ATOSB: variants seen among roughly 807,000 people sequenced by gnomAD.
ATOSB encodes the protein atos homolog B.
chr9:35,104,577 G>T, the ATOSB span: 1 of 375,248 alleles, frequency 2.7e-6, no homozygotes, highest in East Asian at 1.1e-4. Flanking sequence ...ACAAAGACAA[G>T]CTTGTGCACA....
the ATOSB span, chr9:35,104,597 G>A: frequency 1.2e-5 from 5 of 416,174 alleles, no homozygotes; most frequent in African/African-American, 4.2e-5. Flanking sequence ...ACACACATAC[G>A]CATAACTTGG....
the ATOSB span, chr9:35,106,187 CT>C: frequency 1.9e-6 from 3 of 1,603,664 alleles, no homozygotes; most frequent in African/African-American, 1.3e-5. The surrounding 1 kb of genome is among the most constrained non-coding windows in gnomAD (Gnocchi z 4.6). Flanking sequence ...CTCTTGCCCC[CT>C]GGCCCCGCCC....
chr9:35,113,988 A>C, the ATOSB span, among the ~76,000 whole-genome samples: 1 of 152,212 alleles, frequency 6.6e-6, no homozygotes, highest in Non-Finnish European at 1.5e-5. Flanking sequence ...CTCTTTAGCC[A>C]TAAATTTCCA....
At chr9:35,106,036 A>T in the ATOSB span, 23 of 1,605,932 alleles carry the variant, frequency 1.4e-5, no homozygotes, top group Non-Finnish European at 1.9e-5. This position sits in a 1 kb window ranked among gnomAD's most constrained non-coding sequence, Gnocchi z 4.6. Flanking sequence ...CCATCAGTCA[A>T]GGTGGGGACT....
the ATOSB span, chr9:35,111,590 G>C: frequency 1.4e-4 from 21 of 151,780 alleles, no homozygotes; most frequent in African/African-American, 4.8e-4. Context: ...CCAGCTGATG[G>C]GGCCGCCCGC....
chr9:35,106,703 G>A, the ATOSB span: 2 of 1,461,208 alleles, frequency 1.4e-6, no homozygotes, highest in African/African-American at 1.4e-5. The surrounding 1 kb of genome is among the most constrained non-coding windows in gnomAD (Gnocchi z 4.6). Flanking sequence ...TCCTGCTTAT[G>A]CCCTTGGACT....
the ATOSB span, among the ~76,000 whole-genome samples, chr9:35,115,463 T>C: frequency 0.032 from 4,935 of 151,956 alleles, 148 homozygotes; most frequent in Non-Finnish European, 0.047. Flanking sequence ...TTCCCCTAGA[T>C]AGTGCCCGCA....
At chr9:35,107,946 C>A in the ATOSB span, 1 of 1,605,350 alleles carries the variant, frequency 6.2e-7, no homozygotes, top group Non-Finnish European at 8.5e-7. Flanking sequence ...CACACCTAGT[C>A]CCAGCCCCGG....
the ATOSB span, chr9:35,109,405 T>C: frequency 4.6e-5 from 7 of 152,190 alleles, no homozygotes; most frequent in African/African-American, 1.7e-4. Context: ...AAACTAGAGA[T>C]AAGGCCGCAG....
chr9:35,108,301 C>G, the ATOSB span: 20 of 1,517,688 alleles, frequency 1.3e-5, no homozygotes, highest in African/African-American at 2.8e-4. Context: ...CAGGGGGGCC[C>G]CCCAACACGG....
chr9:35,106,760 C>T, the ATOSB span: 9 of 1,525,146 alleles, frequency 5.9e-6, no homozygotes, highest in Middle Eastern at 1.7e-4. This position sits in a 1 kb window ranked among gnomAD's most constrained non-coding sequence, Gnocchi z 4.6. Flanking sequence ...GTCCCCTACT[C>T]GGATGCTGGA....
the ATOSB span, chr9:35,105,910 C>T: frequency 1.9e-6 from 3 of 1,613,944 alleles, no homozygotes; most frequent in East Asian, 2.2e-5. The surrounding 1 kb of genome is among the most constrained non-coding windows in gnomAD (Gnocchi z 5.5). Flanking sequence ...TTTCCTCTCT[C>T]CCCACTCCCA....
At chr9:35,107,026 A>G in the ATOSB span, 5 of 799,970 alleles carry the variant, frequency 6.3e-6, no homozygotes, top group Non-Finnish European at 1.0e-5. Flanking sequence ...TATCCACTTA[A>G]GAGTACATGA....
chr9:35,107,688 A>G, the ATOSB span: 1 of 1,609,036 alleles, frequency 6.2e-7, no homozygotes, highest in African/African-American at 1.3e-5. Context: ...CTTACCCCCT[A>G]TTTGTGCAAG....
chr9:35,108,179 C>A, the ATOSB span: 37 of 1,593,486 alleles, frequency 2.3e-5, no homozygotes, highest in Non-Finnish European at 2.8e-5. Flanking sequence ...AGCCCATGAG[C>A]AGGCCACCCT....
the ATOSB span, chr9:35,108,152 C>G: frequency 6.3e-7 from 1 of 1,580,124 alleles, no homozygotes; most frequent in Non-Finnish European, 8.6e-7. Context: ...GGGATGTCGC[C>G]CCCCCTGCTG....
At chr9:35,110,149 T>C in the ATOSB span, 1 of 152,272 alleles carries the variant, frequency 6.6e-6, no homozygotes, top group African/African-American at 2.4e-5. Context: ...CAAATTCTCC[T>C]AAGAATTGGG....
At chr9:35,108,270 C>T in the ATOSB span, 42 of 1,545,184 alleles carry the variant, frequency 2.7e-5, no homozygotes, top group Non-Finnish European at 3.6e-5. Context: ...CTGCACGTGG[C>T]GCATGAAGCC....
the ATOSB span, among the ~76,000 whole-genome samples, chr9:35,113,516 C>T: frequency 1.7e-3 from 257 of 152,178 alleles, no homozygotes; most frequent in African/African-American, 5.9e-3. Context: ...CCCAGCTACT[C>T]AGGAGGCTGA....
Sources: gnomAD v4.1 joint callset for allele counts (sites outside exome capture counted in the v4.1 genomes callset) on GRCh38, gnomAD v4.1.1 for gene constraint, Gnocchi (gnomAD v3.1) non-coding constraint, MANE v1.5 for transcripts, NCBI Gene and HGNC (gene_info 2026-07-23, HGNC 2026-07-21) for gene names.